Variants in COG5 observed in about 807,000 individuals in gnomAD.
COG5 encodes conserved oligomeric Golgi complex subunit 5.
In COG5, 86 loss-of-function variants were observed where a neutral mutation model predicts 110.4. The observed-to-expected ratio is 0.78, with a 90% CI of 0.65 to 0.93. The LOEUF (loss-of-function observed/expected upper bound fraction) is 0.93. Ranked by LOEUF, COG5 falls within the 40% of genes least tolerant of loss-of-function variation. The pLI is 0.00. For missense variants in COG5, 1,077 were observed against 987.0 expected, an observed-to-expected ratio of 1.09 and a Z score of -1.22; for synonymous variants, 360 against 334.6, an observed-to-expected ratio of 1.08 and a Z score of -0.83.
intron 8 of COG5, among the ~76,000 whole-genome samples, chr7:107,364,107 A>G (rs1232358436): frequency 6.6e-6 from 1 of 152,270 alleles, no homozygotes; most frequent in Non-Finnish European, 1.5e-5. Context: ...ATTTAGCATC[A>G]GCAATAATGA....
intron 6 of COG5, among the ~76,000 whole-genome samples, chr7:107,513,792 G>T (rs929730763): frequency 2.6e-5 from 4 of 152,012 alleles, no homozygotes; most frequent in East Asian, 3.9e-4. Context: ...GCAAACTATT[G>T]CAAGGACAAA....
chr7:107,245,938 G>A (rs1374041787), intron 17 of COG5, among the ~76,000 whole-genome samples: 2 of 152,180 alleles, frequency 1.3e-5, no homozygotes, highest in African/African-American at 2.4e-5. Context: ...CAAAGCTGGA[G>A]ACATCACGTT....
intron 6 of COG5, chr7:107,472,269 A>T (rs909587112): frequency 2.6e-5 from 4 of 152,018 alleles, no homozygotes; most frequent in Non-Finnish European, 5.9e-5. Flanking sequence ...CCTACAAGAC[A>T]TGAAATAAAA....
At chr7:107,253,374 A>G (rs1208817648) in intron 16 of COG5, 38 of 152,198 alleles carry the variant, frequency 2.5e-4, no homozygotes, top group Admixed American at 2.5e-3. Context: ...AGATTTACCT[A>G]AAATAGTTAA....
intron 6 of COG5, among the ~76,000 whole-genome samples, chr7:107,508,796 T>A (rs145800666): frequency 0.13 from 19,069 of 152,082 alleles, 1,499 homozygotes; most frequent in Non-Finnish European, 0.17. Flanking sequence ...GGGTCTGGAG[T>A]GGACCTCTAG....
At chr7:107,216,318 C>T (rs1799528071) in intron 19 of COG5, among the ~76,000 whole-genome samples, 1 of 152,120 alleles carries the variant, frequency 6.6e-6, no homozygotes, top group African/African-American at 2.4e-5. Context: ...ACTTCAATAC[C>T]TCACTTTCAA....
At chr7:107,495,078 G>C (rs185775400) in intron 6 of COG5, among the ~76,000 whole-genome samples, 2 of 152,268 alleles carry the variant, frequency 1.3e-5, no homozygotes, top group Admixed American at 1.3e-4. Context: ...TCTGTAAAAT[G>C]AGTGAGTCTG....
chr7:107,439,363 A>AAGTTGTC (rs1794570153), intron 6 of COG5, among the ~76,000 whole-genome samples: 1 of 152,108 alleles, frequency 6.6e-6, no homozygotes, highest in South Asian at 2.1e-4. Flanking sequence ...TTCCTCAGGT[A>AAGTTGTC]AGTTGTCAGT....
At chr7:107,525,275 G>T (rs1230468965) in intron 6 of COG5, among the ~76,000 whole-genome samples, 1 of 151,484 alleles carries the variant, frequency 6.6e-6, no homozygotes, top group African/African-American at 2.4e-5. Context: ...TTGTATTACA[G>T]AATCTGTCAA....
In COG5 at chr7:107,563,850, C is replaced by G. The variant is rs781711867; in HGVS notation, c.47G>C (p.Arg16Pro). 5 of 1,613,732 alleles carry G rather than the reference C, an allele frequency of 3.1e-6. No individual in the cohort carries two copies. The highest frequency in any genetic ancestry group is 4.2e-6 in the Non-Finnish European group (5 of 1,179,940). The change falls in exon 1 of 22, where the codon CGA becomes CCA. Residue 16 changes from arginine (R) to proline (P), a missense_variant. By Grantham distance (103) the Arg-to-Pro change is moderately radical. Coordinates refer to ENST00000297135, the MANE Select transcript of COG5 (RefSeq NM_006348.5). ...GSVAVAGLGA[R>P]GSGAAAATVR... ...TGTAGCTGCAGCCGCTCCAGAGCCT[C>G]GAGCTCCGAGGCCAGCTACAGCGAC... is the stretch of plus-strand genomic sequence containing the variant.
chr7:107,517,238 G>A (rs1799985896), intron 6 of COG5, among the ~76,000 whole-genome samples: 1 of 151,930 alleles, frequency 6.6e-6, no homozygotes, highest in Admixed American at 6.6e-5. Context: ...TGGAAGAAAG[G>A]ATATCAGAGT....
intron 14 of COG5, among the ~76,000 whole-genome samples, chr7:107,261,493 T>C (rs1465114631): frequency 6.6e-6 from 1 of 152,208 alleles, no homozygotes; most frequent in East Asian, 1.9e-4. Flanking sequence ...ATGAAATATT[T>C]TTATCTGGAA....
At chr7:107,407,187 G>T (rs1028841219) in intron 7 of COG5, among the ~76,000 whole-genome samples, 2 of 152,078 alleles carry the variant, frequency 1.3e-5, no homozygotes, top group Non-Finnish European at 2.9e-5. Flanking sequence ...TTTGAGACCA[G>T]TCTGGCCAAC....
intron 7 of COG5, among the ~76,000 whole-genome samples, chr7:107,383,581 C>A (rs1815315988): frequency 1.3e-5 from 2 of 152,190 alleles, no homozygotes; most frequent in South Asian, 2.1e-4. Flanking sequence ...GCGGTGCCTG[C>A]CAAGGTTGCT....
At chr7:107,241,838 T>G (rs553523914) in intron 17 of COG5, among the ~76,000 whole-genome samples, 2 of 152,240 alleles carry the variant, frequency 1.3e-5, no homozygotes, top group Admixed American at 1.3e-4. Flanking sequence ...TGGAGTGCAA[T>G]GGCATGATTA....
chr7:107,485,974 T>G (rs1432062786), intron 6 of COG5, among the ~76,000 whole-genome samples: 4 of 152,062 alleles, frequency 2.6e-5, no homozygotes, highest in Admixed American at 2.6e-4. Context: ...GACAGCATAT[T>G]AGGCAGAGGC....
intron 19 of COG5, among the ~76,000 whole-genome samples, chr7:107,219,692 G>C (rs762680293): frequency 1.8e-4 from 28 of 152,132 alleles, no homozygotes; most frequent in South Asian, 1.0e-3. Context: ...GGGAGGAAAT[G>C]GGGAGGTTTT....
chr7:107,324,573 A>G (rs1163638129), intron 10 of COG5, 52 bp from the exon 11 acceptor site: 1 of 1,062,420 alleles, frequency 9.4e-7, no homozygotes. Context: ...CATTTATTTT[A>G]AGAAATCATA....
At chr7:107,328,125 G>T (rs1809927191) in intron 10 of COG5, among the ~76,000 whole-genome samples, 1 of 152,148 alleles carries the variant, frequency 6.6e-6, no homozygotes, top group Non-Finnish European at 1.5e-5. Flanking sequence ...CCTGAGAAAT[G>T]CCTCAGGCAA....
Sources: allele counts gnomAD v4.1 joint callset (sites outside exome capture counted in the v4.1 genomes callset), GRCh38; gene constraint gnomAD v4.1.1; transcripts MANE v1.5; gene names NCBI Gene and HGNC (gene_info 2026-07-23, HGNC 2026-07-21).